The following PMS2 variants were observed in gnomAD, a reference collection of about 807,000 sequenced individuals.
The protein encoded by PMS2 is mismatch repair endonuclease PMS2.
A neutral mutation model predicts 90.0 loss-of-function variants in PMS2; 69 were observed. The ratio of observed to expected loss-of-function variants is 0.77; its 90% CI spans 0.63 to 0.94. The LOEUF is 0.94. Among genes scored for constraint, PMS2 ranks in the 40% least tolerant of loss-of-function variants. The pLI is 0.00. For synonymous variants in PMS2, 332 were observed against 375.1 expected, an observed-to-expected ratio of 0.89 and a Z score of 1.33; for missense variants, 966 against 1,040.2, an observed-to-expected ratio of 0.93 and a Z score of 0.98.
In PMS2 at chr7:5,987,255, C is replaced by G. The variant is rs368516768; in HGVS notation, c.1510G>C (p.Glu504Gln). ...SGHGSTSVDS[E>Q]GFSIPDTGSH... is the part of the protein sequence containing the mutation. ...CCCGTGTCTGGGATGCTGAACCCCT[C>G]AGAATCCACGGAAGTGCTGCCGTGC... The change falls in exon 11 of 15, where the codon GAG (glutamate) becomes CAG (glutamine). Residue 504 changes from glutamate (E) to glutamine (Q), a missense_variant. Transcript: ENST00000265849. 1.1e-4 allele frequency: 170 copies of G among 1,614,016 alleles called. No individual in the cohort carries two copies. Among genetic ancestry groups the G allele is most frequent in the Non-Finnish European group, 1.3e-4 (154 of 1,180,034 alleles).
chr7:5,984,940 C>T (rs1472388781), intron 11 of PMS2, among the ~76,000 whole-genome samples: 1 of 151,848 alleles, frequency 6.6e-6, no homozygotes. Context: ...TTACTGAGCC[C>T]ACATTTCCTA....
At chr7:6,001,474 G>T (rs1188918313) in intron 5 of PMS2, among the ~76,000 whole-genome samples, 1 of 150,862 alleles carries the variant, frequency 6.6e-6, no homozygotes, top group Non-Finnish European at 1.5e-5. Context: ...GGATTCCAGC[G>T]ATTCTCCTGC....
intron 8 of PMS2, among the ~76,000 whole-genome samples, chr7:5,994,555 C>T (rs11976660): frequency 1.3e-3 from 198 of 151,958 alleles, no homozygotes; most frequent in African/African-American, 4.4e-3. Flanking sequence ...GGGCGGATCA[C>T]GAGGTCAGGA....
At chr7:5,985,403 G>GGC (rs1163477779) in intron 11 of PMS2, among the ~76,000 whole-genome samples, 2 of 150,662 alleles carry the variant, frequency 1.3e-5, no homozygotes, top group Non-Finnish European at 2.9e-5. Flanking sequence ...CACCATGTTA[G>GGC]GCCTGAGGAG....
chr7:5,997,630 A>C (rs1269105651), intron 6 of PMS2, among the ~76,000 whole-genome samples: 2 of 151,990 alleles, frequency 1.3e-5, no homozygotes, highest in Non-Finnish European at 2.9e-5. Context: ...CTGCAATGTC[A>C]AACTCGTGGG....
intron 12 of PMS2, among the ~76,000 whole-genome samples, chr7:5,980,883 G>GAGAGTACTCAGCAAACTACACAGT: frequency 6.6e-6 from 1 of 150,736 alleles, no homozygotes; most frequent in South Asian, 2.1e-4. Context: ...CATTCCACAG[G>GAGAGTACTCAGCAAACTACACAGT]AGAGTACTCA....
intron 1 of PMS2, among the ~76,000 whole-genome samples, chr7:6,007,159 A>G (rs1016847085): frequency 4.0e-5 from 6 of 151,892 alleles, no homozygotes; most frequent in African/African-American, 1.5e-4. Context: ...CCCGTTGCCT[A>G]TGCTAGAGGG....
intron 1 of PMS2, among the ~76,000 whole-genome samples, chr7:6,007,367 C>G (rs1016731707): frequency 1.3e-5 from 2 of 152,082 alleles, no homozygotes; most frequent in African/African-American, 4.8e-5. Context: ...CCGCCTGCCT[C>G]GGCCTCCCAA....
intron 7 of PMS2, among the ~76,000 whole-genome samples, chr7:5,996,824 T>C (rs940508662): frequency 2.0e-5 from 3 of 152,180 alleles, no homozygotes; most frequent in African/African-American, 4.8e-5. Context: ...ATATACCACT[T>C]ACTCAAAACA....
At chr7:6,003,020 G>A (rs61298923) in intron 4 of PMS2, among the ~76,000 whole-genome samples, 8,605 of 152,124 alleles carry the variant, frequency 0.057, 559 homozygotes, top group East Asian at 0.34. Context: ...AGGGCAGAGC[G>A]TGGTGGCTCA....
chr7:5,996,125 G>A (rs115360158), intron 7 of PMS2, among the ~76,000 whole-genome samples: 3 of 152,080 alleles, frequency 2.0e-5, no homozygotes, highest in Non-Finnish European at 4.4e-5. Context: ...AGGGATACCG[G>A]CATTTCCAGA....
chr7:5,993,983 A>G (rs1001130469), intron 8 of PMS2, among the ~76,000 whole-genome samples: 1 of 152,092 alleles, frequency 6.6e-6, no homozygotes, highest in Non-Finnish European at 1.5e-5. Context: ...TTTTTACAAT[A>G]ATAAATATAC....
Position 5,987,167 on chromosome 7 carries a change from A to G in PMS2, c.1598T>C (p.Val533Ala), listed in dbSNP as rs1365849986. ...TTTAGGCGCTTTCTCCTGAGAGTCC[A>G]CATGTTCCTGCGAGCCCCTGTCCCC... Reference protein sequence around the residue: ...SPGDRGSQEHVDSQEKAPKTD... With the variant: ...SPGDRGSQEHADSQEKAPKTD... The change falls in exon 11 of 15, where the codon GTG becomes GCG. Residue 533 changes from valine (V) to alanine (A), a missense_variant. Physicochemically the swap from Val to Ala is moderately conservative, Grantham distance 64. Transcript: ENST00000265849. 8 of 1,613,876 alleles carry G rather than the reference A, an allele frequency of 5.0e-6. No homozygotes were observed. In the Admixed American group the frequency reaches 1.2e-4, roughly 24 times the overall value.
At chr7:5,982,787 G>A (rs1191315087) in intron 12 of PMS2, 37 bp downstream of exon 12, 1 of 1,610,328 alleles carries the variant, frequency 6.2e-7, no homozygotes, top group Admixed American at 1.7e-5. Flanking sequence ...TCTTCAATTT[G>A]AGGGGGAGTC....
intron 11 of PMS2, among the ~76,000 whole-genome samples, chr7:5,986,257 T>C (rs1240586616): frequency 6.6e-6 from 1 of 151,186 alleles, no homozygotes. Flanking sequence ...AATTTTATTG[T>C]AGAGACGAGG....
intron 12 of PMS2, among the ~76,000 whole-genome samples, chr7:5,979,201 CAAAAAA>C (rs60152367): frequency 2.0e-5 from 1 of 49,460 alleles, no homozygotes; most frequent in Non-Finnish European, 3.7e-5. Flanking sequence ...GACTCTGTCT[CAAAAAA>C]AAAAAAAAAA....
In PMS2 at chr7:6,003,723, C is replaced by T. The variant is rs63751284; in HGVS notation, c.320G>A (p.Arg107Gln). The change falls in exon 4 of 15, where the codon CGG becomes CAG. Residue 107 changes from arginine (R) to glutamine (Q), a missense_variant. Physicochemically the swap from Arg to Gln is conservative, Grantham distance 43. Coordinates refer to ENST00000265849, the MANE Select transcript of PMS2 (RefSeq NM_000535.7). ...ACAAAGTGAGCTCAGAGCTTCCCCCCGAAAGCCAAAAGTTTCAACCTGAGT... is the reference window on the plus strand; with the variant it reads ...ACAAAGTGAGCTCAGAGCTTCCCCCTGAAAGCCAAAAGTTTCAACCTGAGT... ...DLTQVETFGF[R>Q]GEALSSLCAL... is the part of the protein sequence containing the mutation. 68 of 1,598,348 alleles carry T rather than the reference C, an allele frequency of 4.3e-5. No individual in the cohort carries two copies. Among genetic ancestry groups the T allele is most frequent in the South Asian group, 7.7e-5 (7 of 90,972 alleles).
chr7:5,991,403 C>A (rs927101982), intron 9 of PMS2, among the ~76,000 whole-genome samples: 11 of 150,126 alleles, frequency 7.3e-5, no homozygotes, highest in Non-Finnish European at 1.5e-4. Flanking sequence ...AAAAAAAAAT[C>A]TATATGAAAT....
At chr7:5,991,635 C>T (rs904099385) in intron 9 of PMS2, among the ~76,000 whole-genome samples, 2 of 151,608 alleles carry the variant, frequency 1.3e-5, no homozygotes, top group Non-Finnish European at 2.9e-5. Context: ...GTCAGGAGAT[C>T]GAGACCATCC....
Sources: gnomAD v4.1 joint callset for allele counts (sites outside exome capture counted in the v4.1 genomes callset) on GRCh38, gnomAD v4.1.1 for gene constraint, MANE v1.5 for transcripts, NCBI Gene and HGNC (gene_info 2026-07-23, HGNC 2026-07-21) for gene names.